Variants in ZNF736 observed in about 807,000 individuals in gnomAD.
The protein encoded by ZNF736 is KRAB-containing zinc-finger repressor protein.
Under a neutral mutation model 11.7 loss-of-function variants are expected in ZNF736, and 6 were observed. The ratio of observed to expected loss-of-function variants is 0.51; its 90% confidence interval spans 0.28 to 1.01. ZNF736 has a LOEUF of 1.01. Ranked by LOEUF, ZNF736 falls within the 50% of genes least tolerant of loss-of-function variation. ZNF736 has a pLI of 0.09. For missense variants in ZNF736, 444 were observed against 496.0 expected (o/e 0.90, Z 1.00); for synonymous variants, 139 against 164.7 (o/e 0.84, Z 1.19).
chr7:64,334,424 C>T (rs1367620785), intron 1 of ZNF736, among the ~76,000 whole-genome samples: 1 of 152,074 alleles, frequency 6.6e-6, no homozygotes, highest in African/African-American at 2.4e-5. Flanking sequence ...CCAGAATCTA[C>T]AAGGAACTTA....
At chr7:64,335,078 G>A (rs544802335) in intron 1 of ZNF736, among the ~76,000 whole-genome samples, 1 of 152,242 alleles carries the variant, frequency 6.6e-6, no homozygotes, top group South Asian at 2.1e-4. Flanking sequence ...TCACTCATAA[G>A]TAGGATTCAA....
At chr7:64,344,025 G>A (rs556715576) in intron 3 of ZNF736, among the ~76,000 whole-genome samples, 10 of 151,628 alleles carry the variant, frequency 6.6e-5, no homozygotes, top group African/African-American at 1.2e-4. Context: ...TACAAGGGCC[G>A]AGCATGGTGG....
chr7:64,315,959 G>A (rs1357530222), intron 1 of ZNF736, among the ~76,000 whole-genome samples: 9 of 152,312 alleles, frequency 5.9e-5, no homozygotes, highest in Admixed American at 3.3e-4. Flanking sequence ...GGACAGAAAA[G>A]CAAAGAGTAG....
chr7:64,317,847 A>AT (rs1168949605), intron 1 of ZNF736, among the ~76,000 whole-genome samples: 2 of 151,628 alleles, frequency 1.3e-5, no homozygotes, highest in Admixed American at 6.6e-5. Flanking sequence ...AATTTTATGT[A>AT]TTTTTTAAAT....
rs1789550925 is a variant in ZNF736, at chr7:64,356,136, T to G, written c.*6989T>G. The G allele has an allele frequency of 1.3e-5, 2 of 152,458 alleles. No homozygotes were observed. Among genetic ancestry groups the G allele is most frequent in the South Asian group, 4.1e-4 (2 of 4,836 alleles). 9.4% of individuals were successfully genotyped at this position (152,458 alleles called of 1,614,324 possible). ...GATCTTTCACAAGAGCTGTTTGGCC[T>G]TATTTCTATGCTGAAGCAGATTCTG... On this transcript the variant is annotated 3_prime_UTR_variant, in exon 4 of 4. Transcript: ENST00000423484.
Position 64,336,934 on chromosome 7 carries a change from A to T in ZNF736, c.178A>T (p.Lys60Ter), listed in dbSNP as rs1180736980. 3.1e-6 allele frequency: 5 copies of T among 1,605,070 alleles called. No homozygotes were observed. In the African/African-American group the frequency reaches 6.7e-5, roughly 21 times the overall value. Reference sequence around the variant, plus strand: ...CTTGATGACCTGTCTGGAGCAAAGAAAAGAGCCTTGGAAAGTGAAGAGACA... The same window carrying T: ...CTTGATGACCTGTCTGGAGCAAAGATAAGAGCCTTGGAAAGTGAAGAGACA... ...PDLMTCLEQR[K>*]EPWKVKRQEA... Residue 60 changes from lysine to a stop codon, truncating the protein, a stop_gained, in exon 3 of 4, where the codon AAA becomes TAA. Transcript: ENST00000423484. LOFTEE classifies it low-confidence loss of function (END_TRUNC).
At chr7:64,339,295 C>G (rs138544806) in intron 3 of ZNF736, among the ~76,000 whole-genome samples, 1 of 152,008 alleles carries the variant, frequency 6.6e-6, no homozygotes, top group East Asian at 1.9e-4. Flanking sequence ...TAGTTTGATG[C>G]AGTTTAATTT....
At chr7:64,316,071 C>T (rs1788912776) in intron 1 of ZNF736, among the ~76,000 whole-genome samples, 2 of 152,270 alleles carry the variant, frequency 1.3e-5, no homozygotes, top group South Asian at 2.1e-4. Flanking sequence ...AGTCACTCTC[C>T]TGTGTTTTCC....
At chr7:64,325,407 AT>A (rs1272258690) in intron 1 of ZNF736, among the ~76,000 whole-genome samples, 1 of 152,172 alleles carries the variant, frequency 6.6e-6, no homozygotes, top group Non-Finnish European at 1.5e-5. Flanking sequence ...GGCTTTATTG[AT>A]TATTCAGATT....
chr7:64,317,224 A>G (rs1385627258), intron 1 of ZNF736, among the ~76,000 whole-genome samples: 1 of 152,362 alleles, frequency 6.6e-6, no homozygotes, highest in Non-Finnish European at 1.5e-5. Flanking sequence ...AATCGTAGCC[A>G]GTGAATCAGT....
At chr7:64,345,804 T>TA (rs1460031988) in intron 3 of ZNF736, among the ~76,000 whole-genome samples, 1 of 151,988 alleles carries the variant, frequency 6.6e-6, no homozygotes, top group African/African-American at 2.4e-5. Flanking sequence ...TTTCTTCTGT[T>TA]ACTGATTTCT....
Position 64,345,573 on chromosome 7 carries a change from C to CA in ZNF736, c.227-2511dup, listed in dbSNP as rs373651719. On this transcript the variant is annotated intron_variant, in intron 3 of 3. Transcript: ENST00000423484. ...GTGAAACCTTGTCTCTACTAAAATA[C>CA]AAAAAATTAGCTGGGCGTGGTGGTG... Among the ~76,000 whole-genome samples, 948 of 151,194 alleles carry CA rather than the reference C, an allele frequency of 6.3e-3. 13 individuals carry two copies. The Middle Eastern group carries it at 0.075, about 12-fold the overall frequency.
At chr7:64,326,570 G>A (rs1658010095) in intron 1 of ZNF736, among the ~76,000 whole-genome samples, 1 of 151,864 alleles carries the variant, frequency 6.6e-6, no homozygotes, top group Admixed American at 6.6e-5. Context: ...ATTTATTTCT[G>A]CTATAGTTTT....
intron 1 of ZNF736, among the ~76,000 whole-genome samples, chr7:64,324,178 C>G (rs567470980): frequency 1.3e-5 from 2 of 152,072 alleles, no homozygotes; most frequent in South Asian, 4.1e-4. Context: ...CATCTTCATG[C>G]TCATGCTATA....
In ZNF736 at chr7:64,347,272, G is replaced by A. The variant is rs373050121; in HGVS notation, c.227-818G>A. ...TTACTCTTGTTGCCCAGACTGGAGT[G>A]CAATGTTACAAGCTTGGCTCATTGC... On this transcript the variant is annotated intron_variant, in intron 3 of 3. Transcript: ENST00000423484. 6.9e-5 allele frequency among the ~76,000 whole-genome samples: 9 copies of A among 131,332 alleles called. No homozygotes were observed. The East Asian group carries it at 1.4e-3, about 21-fold the overall frequency. 86.2% of individuals were successfully genotyped at this position (131,332 alleles called of 152,430 possible).
chr7:64,344,097 G>T (rs921712196), intron 3 of ZNF736, among the ~76,000 whole-genome samples: 2 of 152,166 alleles, frequency 1.3e-5, no homozygotes, highest in Non-Finnish European at 2.9e-5. Flanking sequence ...GAGGTCAGAA[G>T]TTCAAGACCA....
chr7:64,347,660 A>G (rs551493931), intron 3 of ZNF736, among the ~76,000 whole-genome samples: 1 of 152,230 alleles, frequency 6.6e-6, no homozygotes, highest in South Asian at 2.1e-4. Flanking sequence ...AGTGCATACC[A>G]CCTTTCCTTT....
At chr7:64,341,078 AGTTTTCTGATTTTT>A (rs1789331596) in intron 3 of ZNF736, among the ~76,000 whole-genome samples, 1 of 151,816 alleles carries the variant, frequency 6.6e-6, no homozygotes, top group Non-Finnish European at 1.5e-5. Context: ...AAATGTCTTT[AGTTTTCTGATTTTT>A]GTTTTCTGAT....
chr7:64,319,165 A>C (rs1351497605), intron 1 of ZNF736, among the ~76,000 whole-genome samples: 1 of 150,088 alleles, frequency 6.7e-6, no homozygotes. Flanking sequence ...AGAAACGGAC[A>C]CATAGAGATG....
Sources: gnomAD v4.1 joint callset for allele counts (sites outside exome capture counted in the v4.1 genomes callset) on GRCh38, gnomAD v4.1.1 for gene constraint, MANE v1.5 for transcripts, NCBI Gene and HGNC (gene_info 2026-07-23, HGNC 2026-07-21) for gene names.